The following PRKN variants were observed in gnomAD, a reference collection of about 807,000 sequenced individuals.
PRKN encodes the protein E3 ubiquitin-protein ligase parkin.
PRKN carries 56 observed loss-of-function variants against 59.5 expected under a neutral mutation model. The ratio of observed to expected loss-of-function variants is 0.94; its 90% CI spans 0.76 to 1.18. The LOEUF (loss-of-function observed/expected upper bound fraction) is 1.18, where lower values mean the gene tolerates loss of function less well. PRKN is among the 50% of genes most tolerant of loss of function. The pLI is 0.00. For missense variants in PRKN, 657 were observed against 596.4 expected (o/e 1.10, Z -1.06); for synonymous variants, 250 against 222.1 (o/e 1.13, Z -1.12).
chr6:162,559,866 G>A (rs1779764315), intron 1 of PRKN, among the ~76,000 whole-genome samples: 1 of 152,106 alleles, frequency 6.6e-6, no homozygotes, highest in South Asian at 2.1e-4. Flanking sequence ...ATACGAGAAA[G>A]GAAAGTTATG....
At chr6:162,105,656 TC>T (rs1780165047) in intron 4 of PRKN, among the ~76,000 whole-genome samples, 1 of 152,160 alleles carries the variant, frequency 6.6e-6, no homozygotes, top group Non-Finnish European at 1.5e-5. Context: ...TGCCTTGGTC[TC>T]CCAAAGTGCT....
chr6:161,415,266 A>C (rs2115014397), intron 9 of PRKN, among the ~76,000 whole-genome samples: 1 of 152,016 alleles, frequency 6.6e-6, no homozygotes, highest in South Asian at 2.1e-4. Context: ...TCTGCCTTAA[A>C]CTCATTTTAT....
chr6:162,637,590 C>T (rs1359280171), intron 1 of PRKN, among the ~76,000 whole-genome samples: 2 of 152,134 alleles, frequency 1.3e-5, no homozygotes, highest in Non-Finnish European at 2.9e-5. Context: ...CACAGAATTT[C>T]TAGCTTGAAA....
At chr6:162,151,819 A>T (rs1373619160) in intron 4 of PRKN, among the ~76,000 whole-genome samples, 3 of 152,198 alleles carry the variant, frequency 2.0e-5, no homozygotes, top group Non-Finnish European at 4.4e-5. Context: ...TTTTATTCAC[A>T]TAGGGTAAGA....
At chr6:162,484,255 A>G (rs142986023) in intron 1 of PRKN, among the ~76,000 whole-genome samples, 9 of 152,290 alleles carry the variant, frequency 5.9e-5, no homozygotes, top group African/African-American at 2.2e-4. Context: ...TATTTTAATG[A>G]AGATGAAAAA....
intron 2 of PRKN, among the ~76,000 whole-genome samples, chr6:162,357,530 C>A (rs9458534): frequency 0.048 from 7,360 of 152,240 alleles, 559 homozygotes; most frequent in African/African-American, 0.16. Flanking sequence ...ACTCTCATTC[C>A]TTCCTGGTGG....
chr6:162,448,067 GA>G (rs1790408006), intron 1 of PRKN, among the ~76,000 whole-genome samples: 1 of 152,114 alleles, frequency 6.6e-6, no homozygotes, highest in South Asian at 2.1e-4. Context: ...CCATTAACAT[GA>G]GCACAAAAAT....
chr6:162,094,015 C>T (rs974129944), intron 4 of PRKN, among the ~76,000 whole-genome samples: 1 of 152,062 alleles, frequency 6.6e-6, no homozygotes, highest in Non-Finnish European at 1.5e-5. Context: ...CAAAACGGGA[C>T]AAAGAAAACC....
intron 7 of PRKN, among the ~76,000 whole-genome samples, chr6:161,698,442 T>C (rs1786113307): frequency 6.6e-6 from 1 of 152,124 alleles, no homozygotes; most frequent in African/African-American, 2.4e-5. Context: ...TTAGAATAAA[T>C]CCTAATTTGG....
intron 6 of PRKN, among the ~76,000 whole-genome samples, chr6:161,854,720 C>T (rs777652544): frequency 6.6e-6 from 1 of 152,102 alleles, no homozygotes; most frequent in Non-Finnish European, 1.5e-5. Flanking sequence ...TCCTGGTGTT[C>T]TCTTGGTCCT....
At chr6:162,316,163 T>C (rs1380513609) in intron 2 of PRKN, among the ~76,000 whole-genome samples, 1 of 151,456 alleles carries the variant, frequency 6.6e-6, no homozygotes, top group Non-Finnish European at 1.5e-5. Context: ...CCAGGAAAAA[T>C]GTGCGTGACT....
rs1192794506 is a variant in PRKN at position 161,562,295 on chromosome 6, C to T, written c.933+7060G>A. On this transcript the variant is annotated intron_variant, in intron 8 of 11. Transcript: ENST00000366898. The surrounding 1 kb of genome is among the most constrained non-coding windows in gnomAD (Gnocchi z 4.3). ...TCAACACCACAAATTGCCATTCCTCCTCCGGAAGGCCCGCCTACTTGCCTT... is the reference window on the plus strand; with the variant it reads ...TCAACACCACAAATTGCCATTCCTCTTCCGGAAGGCCCGCCTACTTGCCTT... Among the ~76,000 whole-genome samples, 1 of 152,194 alleles carries T rather than the reference C, an allele frequency of 6.6e-6. No homozygotes were observed. Among genetic ancestry groups the T allele is most frequent in the East Asian group, 1.9e-4 (1 of 5,188 alleles).
Position 161,518,201 on chromosome 6 carries a change from G to A in PRKN, c.1083+30653C>T, listed in dbSNP as rs1305553213. Among the ~76,000 whole-genome samples, 2 of 152,194 alleles carry A rather than the reference G, an allele frequency of 1.3e-5. No individual in the cohort carries two copies. Among genetic ancestry groups the A allele is most frequent in the Non-Finnish European group, 2.9e-5 (2 of 68,038 alleles). ...TGACTCCACACCATGGGGCCGGGGA[G>A]GTGGCAACATAGGTGCATGAGAGGG... On this transcript the variant is annotated intron_variant, in intron 9 of 11. Transcript: ENST00000366898. This position sits in a 1 kb window ranked among gnomAD's most constrained non-coding sequence, Gnocchi z 5.0.
At chr6:161,870,207 G>C (rs1794288494) in intron 6 of PRKN, among the ~76,000 whole-genome samples, 1 of 152,054 alleles carries the variant, frequency 6.6e-6, no homozygotes, top group Non-Finnish European at 1.5e-5. Context: ...TTAAGATATT[G>C]GGCTGTTCTC....
chr6:162,267,367 G>A (rs975544569), intron 2 of PRKN: 2 of 151,972 alleles, frequency 1.3e-5, no homozygotes, highest in Non-Finnish European at 2.9e-5. Flanking sequence ...ATTGGATACA[G>A]TCCAGTTGTA....
chr6:161,830,185 T>G (rs1216036437), intron 6 of PRKN, among the ~76,000 whole-genome samples: 1 of 151,874 alleles, frequency 6.6e-6, no homozygotes, highest in Non-Finnish European at 1.5e-5. Context: ...CCTCTGGCCC[T>G]GGAACCAGAG....
Position 161,725,461 on chromosome 6 carries a change from G to A in PRKN, c.871+60311C>T, listed in dbSNP as rs868414019. Among the ~76,000 whole-genome samples the A allele has an allele frequency of 2.0e-5, 3 of 152,264 alleles. 1 individual carries two copies. Among genetic ancestry groups the A allele is most frequent in the Middle Eastern group, 6.8e-3 (2 of 294 alleles). ...TAAATATTTCATTAGATTCCAGAAG[G>A]GTTCATGGATGATAGATGCAGAAGT... On this transcript the variant is annotated intron_variant, in intron 7 of 11. Transcript: ENST00000366898.
chr6:161,450,511 G>C (rs1789681446), intron 9 of PRKN, among the ~76,000 whole-genome samples: 1 of 152,102 alleles, frequency 6.6e-6, no homozygotes, highest in Non-Finnish European at 1.5e-5. Context: ...ATAAGTTTCA[G>C]CATATCTATA....
intron 7 of PRKN, among the ~76,000 whole-genome samples, chr6:161,751,950 A>G (rs1788712140): frequency 6.6e-6 from 1 of 152,228 alleles, no homozygotes; most frequent in Non-Finnish European, 1.5e-5. Context: ...AAGGTGGTTC[A>G]GCATCTGCAG....
Sources: allele counts gnomAD v4.1 joint callset (sites outside exome capture counted in the v4.1 genomes callset), GRCh38; gene constraint gnomAD v4.1.1; non-coding constraint Gnocchi (gnomAD v3.1); transcripts MANE v1.5; gene names NCBI Gene and HGNC (gene_info 2026-07-23, HGNC 2026-07-21).